The following NSL1 variants were observed in gnomAD, a reference collection of about 807,000 sequenced individuals.
The protein encoded by NSL1 is kinetochore-associated protein NSL1 homolog.
NSL1 carries 11 observed loss-of-function variants against 25.4 expected under a neutral mutation model. The observed-to-expected ratio is 0.43, with a 90% CI of 0.27 to 0.72. The LOEUF is 0.72. NSL1 is among the 30% of genes least tolerant of loss of function. The pLI is 0.19. For synonymous variants in NSL1, 118 were observed against 120.6 expected (o/e 0.98, Z 0.14); for missense variants, 330 against 342.7 (o/e 0.96, Z 0.29).
intron 4 of NSL1, among the ~76,000 whole-genome samples, chr1:212,780,737 A>AT (rs1221922801): frequency 1.3e-5 from 2 of 152,204 alleles, no homozygotes; most frequent in Admixed American, 6.5e-5. Context: ...ATACAATACT[A>AT]TAATGTATAC....
At chr1:212,763,264 CAAAGAAGTTCTG>C (rs1225864382) in intron 4 of NSL1, among the ~76,000 whole-genome samples, 2 of 152,054 alleles carry the variant, frequency 1.3e-5, no homozygotes, top group African/African-American at 2.4e-5. Flanking sequence ...CCTGAGGTCT[CAAAGAAGTTCTG>C]AAAGAAGTTC....
chr1:212,755,436 T>C (rs1312113519), intron 4 of NSL1, among the ~76,000 whole-genome samples: 1 of 151,412 alleles, frequency 6.6e-6, no homozygotes, highest in African/African-American at 2.4e-5. Context: ...AAAACAAAAA[T>C]ACATATATAA....
At chr1:212,756,917 T>C (rs934188930) in intron 4 of NSL1, among the ~76,000 whole-genome samples, 3 of 151,760 alleles carry the variant, frequency 2.0e-5, no homozygotes, top group African/African-American at 7.3e-5. Flanking sequence ...AAGAGGAAAA[T>C]AAGGAGAAAT....
chr1:212,790,085 C>A (rs1661123212), intron 1 of NSL1, among the ~76,000 whole-genome samples: 1 of 152,056 alleles, frequency 6.6e-6, no homozygotes, highest in African/African-American at 2.4e-5. Context: ...GAGATCTGGG[C>A]TCACTGCAAG....
chr1:212,778,775 T>C (rs1660512787), intron 4 of NSL1, among the ~76,000 whole-genome samples: 1 of 152,098 alleles, frequency 6.6e-6, no homozygotes, highest in Admixed American at 6.5e-5. Flanking sequence ...GCAGCCTGCC[T>C]TGGCCTCCCA....
intron 4 of NSL1, chr1:212,782,088 G>T (rs200243335): frequency 1.5e-6 from 1 of 649,106 alleles, no homozygotes; most frequent in Non-Finnish European, 2.9e-6. Flanking sequence ...ACAGAGATAG[G>T]AGGGTATTAG....
intron 4 of NSL1, among the ~76,000 whole-genome samples, chr1:212,780,315 TGA>T (rs1298353170): frequency 5.9e-5 from 9 of 152,110 alleles, no homozygotes; most frequent in African/African-American, 9.6e-5. Flanking sequence ...GCGTGCTCGT[TGA>T]GAGTCATCAC....
At chr1:212,783,817 T>C (rs1186995996) in intron 3 of NSL1, among the ~76,000 whole-genome samples, 1 of 152,164 alleles carries the variant, frequency 6.6e-6, no homozygotes, top group Admixed American at 6.5e-5. Flanking sequence ...GCTCTGCTTG[T>C]CTAAAAAGCT....
At chr1:212,743,296 C>T (rs1398366781) in intron 4 of NSL1, among the ~76,000 whole-genome samples, 1 of 152,042 alleles carries the variant, frequency 6.6e-6, no homozygotes, top group East Asian at 1.9e-4. Flanking sequence ...TCCTGAGTAG[C>T]TGGGACTACA....
intron 4 of NSL1, among the ~76,000 whole-genome samples, chr1:212,750,051 C>G (rs150150287): frequency 1.3e-5 from 2 of 151,590 alleles, no homozygotes; most frequent in African/African-American, 4.8e-5. Flanking sequence ...AGTGAGAACC[C>G]TGGCATTCTC....
At chr1:212,786,525 T>C (rs1043968540) in intron 2 of NSL1, among the ~76,000 whole-genome samples, 5 of 152,112 alleles carry the variant, frequency 3.3e-5, no homozygotes, top group African/African-American at 7.2e-5. Context: ...ATCACAAAAT[T>C]TGAACAGAAG....
Position 212,728,533 on chromosome 1 carries a change from G to T in NSL1, c.*9875C>A. The T allele has an allele frequency of 1.0e-6, 1 of 985,364 alleles. No individual in the cohort carries two copies. Among genetic ancestry groups the T allele is most frequent in the Non-Finnish European group, 1.2e-6 (1 of 829,914 alleles). The allele number at this position is 985,364 out of a possible 1,614,324, so 61.0% of individuals were successfully genotyped here. Reference sequence around the variant, plus strand: ...GGAACAAATCTGACATTGTTGGTTTGTTCAAACAATTTTTTCAAATCAGAT... The same window carrying T: ...GGAACAAATCTGACATTGTTGGTTTTTTCAAACAATTTTTTCAAATCAGAT... On this transcript the variant is annotated 3_prime_UTR_variant, in exon 6 of 6. Coordinates refer to ENST00000366977, the MANE Select transcript of NSL1 (RefSeq NM_015471.4).
At chr1:212,781,996 TTACTGCACCAGGTG>T (rs1660751103) in intron 4 of NSL1, 4 of 514,834 alleles carry the variant, frequency 7.8e-6, no homozygotes. Flanking sequence ...CCAATGATGG[TTACTGCACCAGGTG>T]TGACACTATG....
At chr1:212,786,823 A>C (rs1660967457) in intron 2 of NSL1, among the ~76,000 whole-genome samples, 1 of 152,120 alleles carries the variant, frequency 6.6e-6, no homozygotes, top group African/African-American at 2.4e-5. Flanking sequence ...AGAAAAGAAA[A>C]ATTGAACAGG....
rs1657978707 is a variant in NSL1, at chr1:212,730,676, G to A, written c.*7732C>T. 3 of 985,252 alleles carry A rather than the reference G, an allele frequency of 3.0e-6. No homozygotes were observed. Among genetic ancestry groups the A allele is most frequent in the Non-Finnish European group, 3.6e-6 (3 of 829,922 alleles). The allele number at this position is 985,252 out of a possible 1,614,324, so 61.0% of individuals were successfully genotyped here. On this transcript the variant is annotated 3_prime_UTR_variant, in exon 6 of 6. Coordinates refer to ENST00000366977, the MANE Select transcript of NSL1 (RefSeq NM_015471.4). ...TACCTGCTAGCACAGTGATGTCACT[G>A]AGGGATGTCAATGCCATCCTCTGCT...
intron 4 of NSL1, among the ~76,000 whole-genome samples, chr1:212,743,808 T>C (rs1489771278): frequency 2.0e-5 from 3 of 152,188 alleles, no homozygotes; most frequent in Non-Finnish European, 4.4e-5. Flanking sequence ...GAGAACTTGG[T>C]ATATTTTAAT....
In NSL1 at chr1:212,779,879, T is replaced by TG. The variant is rs1321931028; in HGVS notation, c.499+2492dup. Among the ~76,000 whole-genome samples, 11 of 109,824 alleles carry TG rather than the reference T, an allele frequency of 1.0e-4. 1 individual carries two copies. Among genetic ancestry groups the TG allele is most frequent in the African/African-American group, 2.2e-4 (6 of 27,112 alleles). The allele number at this position is 109,824 out of a possible 152,430, so 72.0% of individuals were successfully genotyped here. A position where few individuals can be genotyped will look rare whatever the true frequency, so the allele number is the denominator to read the frequency against. ...CCAGCCGCCCCGTCCGGGAGGGAGG[T>TG]GGGGGGGTCAGCCCCCCGCCCGAAC... On this transcript the variant is annotated intron_variant, in intron 4 of 5. Coordinates refer to ENST00000366977, the MANE Select transcript of NSL1 (RefSeq NM_015471.4).
At chr1:212,759,873 GA>G (rs916887863) in intron 4 of NSL1, among the ~76,000 whole-genome samples, 5 of 152,178 alleles carry the variant, frequency 3.3e-5, no homozygotes, top group Non-Finnish European at 7.4e-5. Context: ...AGAGGGAGCT[GA>G]AGCGCACACT....
chr1:212,753,314 TACTC>T (rs1259539741), intron 4 of NSL1, among the ~76,000 whole-genome samples: 3 of 152,344 alleles, frequency 2.0e-5, no homozygotes, highest in Admixed American at 6.5e-5. Context: ...TTCCCTCTAT[TACTC>T]ACTTCACTAC....
Sources: gnomAD v4.1 joint callset for allele counts (sites outside exome capture counted in the v4.1 genomes callset) on GRCh38, gnomAD v4.1.1 for gene constraint, MANE v1.5 for transcripts, NCBI Gene and HGNC (gene_info 2026-07-23, HGNC 2026-07-21) for gene names.